The following OSBPL9 variants were observed in gnomAD, a reference collection of about 807,000 sequenced individuals.
OSBPL9 encodes the protein oxysterol-binding protein-related protein 9.
A neutral mutation model predicts 106.6 loss-of-function variants in OSBPL9; 40 were observed. The ratio of observed to expected loss-of-function variants is 0.38; its 90% CI spans 0.29 to 0.49. The LOEUF (loss-of-function observed/expected upper bound fraction) is 0.49, where lower values mean the gene tolerates loss of function less well. OSBPL9 is among the 20% of genes least tolerant of loss of function. The pLI is 0.97. For missense variants in OSBPL9, 609 were observed against 887.2 expected, an observed-to-expected ratio of 0.69 and a Z score of 3.98; for synonymous variants, 269 against 295.4, an observed-to-expected ratio of 0.91 and a Z score of 0.92.
intron 4 of OSBPL9, among the ~76,000 whole-genome samples, chr1:51,728,969 C>T (rs1029461624): frequency 6.6e-6 from 1 of 152,186 alleles, no homozygotes. Flanking sequence ...TAAGAAAAAC[C>T]AGCAAGAGCG....
chr1:51,682,216 A>G lies in OSBPL9; in HGVS notation c.241+12704A>G, dbSNP rs549747786. Among the ~76,000 whole-genome samples, 16 of 152,142 alleles carry G rather than the reference A, an allele frequency of 1.1e-4. No individual in the cohort carries two copies. The East Asian group carries it at 2.9e-3, about 28-fold the overall frequency. The stretch of plus-strand genomic sequence containing the variant: ...AAGACTCCGTCTCAAAAAAAAAATT[A>G]CATTATTTTTACTGTTGTATTATTA... On this transcript the variant is annotated intron_variant, in intron 3 of 23. Coordinates refer to ENST00000428468, the MANE Select transcript of OSBPL9 (RefSeq NM_024586.6).
intron 1 of OSBPL9, among the ~76,000 whole-genome samples, chr1:51,596,293 G>A (rs908179079): frequency 1.3e-5 from 2 of 149,860 alleles, no homozygotes; most frequent in East Asian, 2.0e-4. Context: ...CAGGCACAGT[G>A]GCTCATGCCT....
At chr1:51,664,631 G>C (rs1469359960) in intron 2 of OSBPL9, among the ~76,000 whole-genome samples, 1 of 152,146 alleles carries the variant, frequency 6.6e-6, no homozygotes, top group African/African-American at 2.4e-5. Flanking sequence ...AGCAGAGGTT[G>C]CAGTGAGCTG....
At chr1:51,754,210 G>C (rs1422896399) in intron 8 of OSBPL9, among the ~76,000 whole-genome samples, 1 of 152,230 alleles carries the variant, frequency 6.6e-6, no homozygotes, top group African/African-American at 2.4e-5. Context: ...ATGCCTGTCA[G>C]AATGGCATGT....
chr1:51,717,867 C>A (rs1661353702), intron 4 of OSBPL9, among the ~76,000 whole-genome samples: 1 of 151,594 alleles, frequency 6.6e-6, no homozygotes, highest in South Asian at 2.1e-4. Flanking sequence ...AGGTATATAT[C>A]CAAAAGAAAG....
At chr1:51,675,413 T>G (rs1386632060) in intron 3 of OSBPL9, among the ~76,000 whole-genome samples, 1 of 152,130 alleles carries the variant, frequency 6.6e-6, no homozygotes, top group South Asian at 2.1e-4. Flanking sequence ...TGAGTGTGTG[T>G]GTGTGTGTGT....
the OSBPL9 span, among the ~76,000 whole-genome samples, chr1:51,526,254 C>G: frequency 6.6e-6 from 1 of 152,132 alleles, no homozygotes; most frequent in Non-Finnish European, 1.5e-5. Context: ...TCATCAAGCA[C>G]CTGAATATGG....
chr1:51,617,077 G>T (rs896876951), upstream of OSBPL9: 13 of 1,421,998 alleles, frequency 9.1e-6, no homozygotes, highest in East Asian at 3.5e-5. Flanking sequence ...GGCGAGTGAC[G>T]TCAGGCCGTT....
the OSBPL9 span, among the ~76,000 whole-genome samples, chr1:51,571,183 G>T: frequency 2.0e-5 from 3 of 152,196 alleles, no homozygotes; most frequent in African/African-American, 7.2e-5. Context: ...CTGAAGAACA[G>T]GTGCATCTTT....
the OSBPL9 span, among the ~76,000 whole-genome samples, chr1:51,555,277 G>C: frequency 6.6e-6 from 1 of 152,106 alleles, no homozygotes. Flanking sequence ...GGATCCTGAG[G>C]TCAGGAGTTC....
chr1:51,647,915 C>T (rs999724251), intron 1 of OSBPL9, among the ~76,000 whole-genome samples: 6 of 151,974 alleles, frequency 3.9e-5, no homozygotes, highest in East Asian at 1.9e-4. Flanking sequence ...AGGAGTAGCC[C>T]GAGAACCCCT....
chr1:51,698,948 C>T (rs1656665673), intron 3 of OSBPL9, among the ~76,000 whole-genome samples: 1 of 151,948 alleles, frequency 6.6e-6, no homozygotes, highest in South Asian at 2.1e-4. Context: ...GCCCTTTTTT[C>T]TATTAGATCC....
At chr1:51,657,395 G>A (rs549671074) in intron 2 of OSBPL9, among the ~76,000 whole-genome samples, 9 of 152,150 alleles carry the variant, frequency 5.9e-5, no homozygotes, top group Non-Finnish European at 8.8e-5. Flanking sequence ...ACCCTGTCAG[G>A]TAAATGCTCA....
chr1:51,549,773 CAGTAAGCTGA>C, the OSBPL9 span, among the ~76,000 whole-genome samples: 1 of 152,224 alleles, frequency 6.6e-6, no homozygotes, highest in Non-Finnish European at 1.5e-5. Flanking sequence ...GTGGAGGTTA[CAGTAAGCTGA>C]GATTGTGCCA....
chr1:51,528,155 A>G, the OSBPL9 span, among the ~76,000 whole-genome samples: 12 of 152,148 alleles, frequency 7.9e-5, no homozygotes, highest in South Asian at 1.7e-3. Flanking sequence ...AACTCTATTC[A>G]GCATTATACT....
intron 1 of OSBPL9, among the ~76,000 whole-genome samples, chr1:51,580,904 AT>A (rs1482790687): frequency 6.7e-3 from 1 of 150 alleles, no homozygotes; most frequent in African/African-American, 0.038. Context: ...ATATATATAT[AT>A]ATATATATAT....
chr1:51,537,606 G>A, the OSBPL9 span, among the ~76,000 whole-genome samples: 1 of 152,116 alleles, frequency 6.6e-6, no homozygotes, highest in Non-Finnish European at 1.5e-5. Context: ...GCCCAGACTG[G>A]AGTGCAGTGA....
chr1:51,745,543 A>T lies in OSBPL9; in HGVS notation c.326A>T (p.Asp109Val). 1.2e-6 allele frequency: 2 copies of T among 1,611,514 alleles called. No individual in the cohort carries two copies. Among genetic ancestry groups the T allele is most frequent in the Non-Finnish European group, 1.7e-6 (2 of 1,178,870 alleles). The change falls in exon 5 of 24, where the codon GAT (aspartate) becomes GTT (valine). Residue 109 changes from aspartate (D) to valine (V), a missense_variant. By Grantham distance (152) the Asp-to-Val change is radical. Coordinates refer to ENST00000428468, the MANE Select transcript of OSBPL9 (RefSeq NM_024586.6). ...CAAATTCTCTTTCTCTAGGGTTTGG[A>T]TTCAGGATTTGTTCCTAGTGTCCAA... ...LRHTLQLQGL[D>V]SGFVPSVQDF... is the part of the protein sequence containing the mutation.
intron 2 of OSBPL9, among the ~76,000 whole-genome samples, chr1:51,601,065 T>C (rs12094825): frequency 0.05 from 7,614 of 152,250 alleles, 426 homozygotes; most frequent in African/African-American, 0.14. Flanking sequence ...TAACTGCAGC[T>C]GTAACACTGT....
Sources: gnomAD v4.1 joint callset for allele counts (sites outside exome capture counted in the v4.1 genomes callset) on GRCh38, gnomAD v4.1.1 for gene constraint, MANE v1.5 for transcripts, NCBI Gene and HGNC (gene_info 2026-07-23, HGNC 2026-07-21) for gene names.